The following MYO9B variants were observed in gnomAD, a reference collection of about 807,000 sequenced individuals.
MYO9B encodes myosin IXB, also known as unconventional myosin-IXb.
A neutral mutation model predicts 229.5 loss-of-function variants in MYO9B; 71 were observed. The observed-to-expected ratio is 0.31, with a 90% CI of 0.26 to 0.38. MYO9B has a LOEUF of 0.38. Ranked by LOEUF, MYO9B falls within the 10% of genes least tolerant of loss-of-function variation. The probability of loss-of-function intolerance (pLI) is 1.00; values close to 1 mark genes in which losing one functional copy is unlikely to be tolerated. For synonymous variants in MYO9B, 1,185 were observed against 1,235.8 expected, an observed-to-expected ratio of 0.96 and a Z score of 0.86; for missense variants, 2,255 against 2,920.5, an observed-to-expected ratio of 0.77 and a Z score of 5.25.
intron 3 of MYO9B, among the ~76,000 whole-genome samples, chr19:17,146,192 TG>T (rs2072408692): frequency 6.6e-6 from 1 of 151,138 alleles, no homozygotes; most frequent in Non-Finnish European, 1.5e-5. Flanking sequence ...GATGGATGGA[TG>T]GATGGATGGA....
chr19:17,149,613 C>T (rs141981432), intron 3 of MYO9B, among the ~76,000 whole-genome samples: 32 of 152,298 alleles, frequency 2.1e-4, no homozygotes, highest in African/African-American at 4.8e-4. Context: ...CACAAAGAGC[C>T]GGCTCAGACC....
intron 1 of MYO9B, among the ~76,000 whole-genome samples, chr19:17,091,524 TG>T (rs1386197077): frequency 6.6e-6 from 1 of 152,188 alleles, no homozygotes; most frequent in African/African-American, 2.4e-5. Context: ...CTGGCCAACA[TG>T]GTGAAACCCC....
rs2057814092 is a variant in MYO9B, at chr19:17,108,420, A to G, written c.840+5863A>G. On this transcript the variant is annotated intron_variant, in intron 2 of 39. Transcript: ENST00000682292. ...GGGCCGGATCGTTCTCTGGGGAGGG[A>G]GTCATCCTGTGCATTGAAGGACATT... Among the ~76,000 whole-genome samples the G allele has an allele frequency of 2.6e-5, 4 of 152,010 alleles. No homozygotes were observed. The South Asian group carries it at 8.3e-4, about 32-fold the overall frequency.
At chr19:17,144,007 C>T (rs1426540624) in intron 2 of MYO9B, among the ~76,000 whole-genome samples, 1 of 152,042 alleles carries the variant, frequency 6.6e-6, no homozygotes, top group Admixed American at 6.6e-5. Flanking sequence ...CAGCAAATCC[C>T]TGTGATACAA....
intron 8 of MYO9B, among the ~76,000 whole-genome samples, chr19:17,160,673 A>G (rs955373744): frequency 2.0e-5 from 3 of 151,366 alleles, no homozygotes; most frequent in South Asian, 2.1e-4. Context: ...AGGCCTGGCT[A>G]ATTTTTTTTG....
chr19:17,129,380 C>T (rs972976527), intron 2 of MYO9B, among the ~76,000 whole-genome samples: 5 of 151,994 alleles, frequency 3.3e-5, no homozygotes, highest in Admixed American at 3.3e-4. Flanking sequence ...CCAGCTTGGG[C>T]GACAGAGCGA....
chr19:17,172,696 G>A lies in MYO9B; in HGVS notation c.1936-63G>A. On this transcript the variant is annotated intron_variant, in intron 12 of 39. Coordinates refer to ENST00000682292, the MANE Select transcript of MYO9B (RefSeq NM_004145.4). The surrounding 1 kb of genome is among the most constrained non-coding windows in gnomAD (Gnocchi z 8.2). ...TCAGCCCTTCCTGCGCCAGCCCGGGGTCTTTGGTAGGCGCCGGTGAGTGAC... is the reference window on the plus strand; with the variant it reads ...TCAGCCCTTCCTGCGCCAGCCCGGGATCTTTGGTAGGCGCCGGTGAGTGAC... 1.3e-6 allele frequency: 2 copies of A among 1,584,772 alleles called. No homozygotes were observed. The highest frequency in any genetic ancestry group is 1.7e-4 in the Middle Eastern group (1 of 6,000).
chr19:17,081,966 G>T lies in MYO9B; in HGVS notation c.-59+6092G>T, dbSNP rs138013065. 6.8e-4 allele frequency among the ~76,000 whole-genome samples: 104 copies of T among 152,142 alleles called. 1 individual carries two copies. In the East Asian group the frequency reaches 0.019, roughly 28 times the overall value. On this transcript the variant is annotated intron_variant, in intron 1 of 39. Transcript: ENST00000682292. ...TTTACAAACAGGGCATGGGGCGGGG[G>T]TATATCTCTGTTCTCAGTATTGCCA...
At chr19:17,118,409 A>G (rs927562445) in intron 2 of MYO9B, among the ~76,000 whole-genome samples, 1 of 152,066 alleles carries the variant, frequency 6.6e-6, no homozygotes, top group Non-Finnish European at 1.5e-5. Context: ...CGAGACCAGC[A>G]TGACAACATA....
chr19:17,120,473 T>C (rs1373967481), intron 2 of MYO9B, among the ~76,000 whole-genome samples: 2 of 151,152 alleles, frequency 1.3e-5, no homozygotes, highest in Non-Finnish European at 2.9e-5. Flanking sequence ...TGAGACCCCA[T>C]CTCTACAAAA....
chr19:17,081,356 C>T (rs1210570151), intron 1 of MYO9B, among the ~76,000 whole-genome samples: 2 of 152,072 alleles, frequency 1.3e-5, no homozygotes, highest in African/African-American at 2.4e-5. Context: ...AATATAGGAA[C>T]CTGGAGGGAA....
At position 17,132,513 on chromosome 19, in the gene MYO9B, T is replaced by TTTATTA. The variant is rs1399927847; in HGVS notation, c.841-12875_841-12870dup. 2.3e-3 allele frequency among the ~76,000 whole-genome samples: 256 copies of TTTATTA among 109,676 alleles called. 2 individuals are homozygous for TTTATTA. Among genetic ancestry groups the TTTATTA allele is most frequent in the Middle Eastern group, 4.9e-3 (1 of 204 alleles). 72.0% of individuals were successfully genotyped at this position (109,676 alleles called of 152,430 possible). On this transcript the variant is annotated intron_variant, in intron 2 of 39. Coordinates refer to ENST00000682292, the MANE Select transcript of MYO9B (RefSeq NM_004145.4). ...ATTTTATTTCTTATTTATTTATTTA[T>TTTATTA]TTATTATTATTATTTTTTTTTTTTT...
chr19:17,123,460 G>GTGT (rs1599346304), intron 2 of MYO9B, among the ~76,000 whole-genome samples: 1 of 150,790 alleles, frequency 6.6e-6, no homozygotes, highest in Non-Finnish European at 1.5e-5. Flanking sequence ...GTGTGTGTGT[G>GTGT]ATGGAGTTTC....
chr19:17,184,590 C>A, intron 16 of MYO9B: 1 of 390,966 alleles, frequency 2.6e-6, no homozygotes, highest in Non-Finnish European at 4.8e-6. Flanking sequence ...GGCTTCCTCT[C>A]TAACCCAGAG....
Position 17,205,333 on chromosome 19 carries a change from G to A in MYO9B, c.5061G>A (p.Arg1687=), listed in dbSNP as rs748738916. The change falls in exon 31 of 40, where the codon AGG becomes AGA. Residue 1687 remains arginine, a synonymous_variant. Coordinates refer to ENST00000682292, the MANE Select transcript of MYO9B (RefSeq NM_004145.4). ...GCCACTGCTCCTACACCTACGGGAG[G>A]AAGGTGAGTGTACGAGGCCTGGAAC... ...IQSHCSYTYG[R]KGEPGVEPGH... is the part of the protein sequence containing the mutation. 1.2e-6 allele frequency: 2 copies of A among 1,613,610 alleles called. No homozygotes were observed. The highest frequency in any genetic ancestry group is 1.1e-5 in the South Asian group (1 of 91,070).
chr19:17,081,666 G>A (rs1437123097), intron 1 of MYO9B, among the ~76,000 whole-genome samples: 1 of 151,962 alleles, frequency 6.6e-6, no homozygotes, highest in African/African-American at 2.4e-5. Context: ...AAAATTAGCT[G>A]GGTGTAGTGG....
chr19:17,147,460 C>A (rs1462656026), intron 3 of MYO9B, among the ~76,000 whole-genome samples: 1 of 146,044 alleles, frequency 6.8e-6, no homozygotes, highest in Non-Finnish European at 1.5e-5. Flanking sequence ...AGGAGAATCG[C>A]TTGAACCCAG....
At chr19:17,102,849 G>T (rs746184669) in intron 2 of MYO9B, among the ~76,000 whole-genome samples, 7 of 151,026 alleles carry the variant, frequency 4.6e-5, no homozygotes, top group African/African-American at 1.5e-4. Flanking sequence ...CGAGGCTTCA[G>T]TGAGCTATGA....
Position 17,172,617 on chromosome 19 carries a change from G to A in MYO9B, c.1935+140G>A. 6.9e-7 allele frequency: 1 copy of A among 1,458,586 alleles called. No individual in the cohort carries two copies. The highest frequency in any genetic ancestry group is 9.3e-7 in the Non-Finnish European group (1 of 1,069,902). 90.4% of individuals were successfully genotyped at this position (1,458,586 alleles called of 1,614,324 possible). ...GCGAATCCCCGGCTCCAATGTCCAAGGCGCCATAGTTCAAGAACTGCCATT... is the reference window on the plus strand; with the variant it reads ...GCGAATCCCCGGCTCCAATGTCCAAAGCGCCATAGTTCAAGAACTGCCATT... On this transcript the variant is annotated intron_variant, in intron 12 of 39. Coordinates refer to ENST00000682292, the MANE Select transcript of MYO9B (RefSeq NM_004145.4). The surrounding 1 kb of genome is among the most constrained non-coding windows in gnomAD (Gnocchi z 8.2).
Sources: allele counts gnomAD v4.1 joint callset (sites outside exome capture counted in the v4.1 genomes callset), GRCh38; gene constraint gnomAD v4.1.1; non-coding constraint Gnocchi (gnomAD v3.1); transcripts MANE v1.5; gene names NCBI Gene and HGNC (gene_info 2026-07-23, HGNC 2026-07-21).